NAV3: variants seen among roughly 807,000 people sequenced by gnomAD.
NAV3 encodes the protein neuron navigator 3.
NAV3 carries 87 observed loss-of-function variants against 244.7 expected under a neutral mutation model. The observed-to-expected ratio is 0.36, with a 90% CI of 0.30 to 0.42. NAV3 has a LOEUF of 0.42. Ranked by LOEUF, NAV3 falls within the 20% of genes least tolerant of loss-of-function variation. The pLI is 1.00. For synonymous variants in NAV3, 1,126 were observed against 1,042.2 expected, an observed-to-expected ratio of 1.08 and a Z score of -1.55; for missense variants, 2,663 against 2,893.3, an observed-to-expected ratio of 0.92 and a Z score of 1.83.
chr12:78,199,653 AT>A (rs145734154), intron 37 of NAV3, 122 bp downstream of exon 37: 4 of 655,820 alleles, frequency 6.1e-6, no homozygotes, highest in African/African-American at 1.9e-5. Context: ...CCAAAGATTT[AT>A]TTTTTTCCCT....
intron 2 of NAV3, among the ~76,000 whole-genome samples, chr12:77,648,649 C>G (rs1287531877): frequency 6.6e-6 from 1 of 152,070 alleles, no homozygotes; most frequent in South Asian, 2.1e-4. Flanking sequence ...CCAGTGGGTC[C>G]TCTAATATCT....
At position 78,100,669 on chromosome 12, in the gene NAV3, C is replaced by T. The variant is rs151057843; in HGVS notation, c.2637-16103C>T. 3.6e-3 allele frequency among the ~76,000 whole-genome samples: 551 copies of T among 152,098 alleles called. 19 individuals carry two copies. The highest frequency in any genetic ancestry group is 0.029 in the South Asian group (141 of 4,818). ...CTCAATACTATCTGATTTTCTATTG[C>T]ACTTCTAAGATACTCTAATTTCTTA... is the stretch of plus-strand genomic sequence containing the variant. On this transcript the variant is annotated intron_variant, in intron 12 of 39. Coordinates refer to ENST00000397909, the MANE Select transcript of NAV3 (RefSeq NM_001024383.2).
chr12:77,944,046 T>C (rs544249794), intron 3 of NAV3, among the ~76,000 whole-genome samples: 2 of 152,106 alleles, frequency 1.3e-5, no homozygotes, highest in African/African-American at 4.8e-5. Context: ...CACTTGAGAA[T>C]TGGAGGAGCA....
intron 12 of NAV3, among the ~76,000 whole-genome samples, chr12:78,089,731 T>C (rs1953823748): frequency 6.6e-6 from 1 of 152,166 alleles, no homozygotes; most frequent in Non-Finnish European, 1.5e-5. Context: ...TTGATACTTG[T>C]GATAGCCAGT....
intron 12 of NAV3, among the ~76,000 whole-genome samples, chr12:78,106,530 A>C (rs567601219): frequency 1.8e-4 from 28 of 152,346 alleles, no homozygotes; most frequent in Middle Eastern, 3.4e-3. Flanking sequence ...ACAGAACACC[A>C]GAAGATGTTC....
At chr12:77,953,965 T>C (rs1024421690) in intron 3 of NAV3, among the ~76,000 whole-genome samples, 20 of 152,266 alleles carry the variant, frequency 1.3e-4, no homozygotes, top group Non-Finnish European at 2.5e-4. Flanking sequence ...ATCTCTATCA[T>C]TGGGCTGGAA....
At chr12:77,995,092 G>A (rs1168437857) in intron 6 of NAV3, among the ~76,000 whole-genome samples, 1 of 152,010 alleles carries the variant, frequency 6.6e-6, no homozygotes, top group African/African-American at 2.4e-5. Flanking sequence ...GTGATATGTA[G>A]TGCTATAACT....
intron 2 of NAV3, among the ~76,000 whole-genome samples, chr12:77,576,703 T>G (rs1374466428): frequency 1.3e-5 from 2 of 152,006 alleles, no homozygotes; most frequent in East Asian, 3.9e-4. Context: ...ATTGTTTATG[T>G]TGGAAACTAA....
chr12:78,055,828 C>A (rs905172797), intron 11 of NAV3, among the ~76,000 whole-genome samples: 1 of 152,100 alleles, frequency 6.6e-6, no homozygotes, highest in Admixed American at 6.6e-5. Flanking sequence ...AGCTGTGTGC[C>A]CAGGAGGAGA....
rs72076222 is a variant in NAV3 at position 77,879,685 on chromosome 12, C to CAAAAAAA, written c.243+47998_243+48004dup. Among the ~76,000 whole-genome samples, 256 of 84,956 alleles carry CAAAAAAA rather than the reference C, an allele frequency of 3.0e-3. 4 individuals carry two copies. The highest frequency in any genetic ancestry group is 3.7e-3 in the African/African-American group (84 of 22,604). The allele number at this position is 84,956 out of a possible 152,430, so 55.7% of individuals were successfully genotyped here. ...GAAAGAGCGAAGTGAAACTCCATCT[C>CAAAAAAA]AAAAAAAAAAAAAAAAAAAAAAAGG... On this transcript the variant is annotated intron_variant, in intron 1 of 39. Coordinates refer to ENST00000397909, the MANE Select transcript of NAV3 (RefSeq NM_001024383.2).
intron 2 of NAV3, among the ~76,000 whole-genome samples, chr12:77,594,070 A>G (rs1295427256): frequency 6.6e-6 from 1 of 152,198 alleles, no homozygotes. Flanking sequence ...AATTTATAAA[A>G]TGAAAATCTA....
intron 2 of NAV3, among the ~76,000 whole-genome samples, chr12:77,596,093 A>G (rs887894038): frequency 4.6e-5 from 7 of 152,178 alleles, no homozygotes; most frequent in African/African-American, 1.7e-4. Context: ...TAGTAGTGAC[A>G]ATGAGGCTGG....
At chr12:77,882,810 C>G (rs1882823632) in intron 1 of NAV3, among the ~76,000 whole-genome samples, 1 of 152,126 alleles carries the variant, frequency 6.6e-6, no homozygotes, top group Non-Finnish European at 1.5e-5. Context: ...ATACACTCAA[C>G]CAATGAACAT....
chr12:77,707,429 A>G (rs1875879683), intron 2 of NAV3, among the ~76,000 whole-genome samples: 1 of 152,116 alleles, frequency 6.6e-6, no homozygotes, highest in Admixed American at 6.5e-5. Context: ...TCCATGGTGT[A>G]TATGTGCCAC....
rs188983442 is a variant in NAV3, at chr12:77,632,757, A to T, written c.72+60491A>T. On this transcript the variant is annotated intron_variant, in intron 2 of 8. Transcript: ENST00000550042. ...GTAATGAGACTTTTAAAAGTAATAC[A>T]CCAATTTTTGTCTTTTTTCTTATTC... Among the ~76,000 whole-genome samples, 418 of 152,268 alleles carry T rather than the reference A, an allele frequency of 2.7e-3. 2 individuals carry two copies. Among genetic ancestry groups the T allele is most frequent in the African/African-American group, 9.8e-3 (406 of 41,536 alleles).
intron 23 of NAV3, among the ~76,000 whole-genome samples, chr12:78,165,735 TAAAC>T (rs753307409): frequency 1.3e-5 from 2 of 151,680 alleles, no homozygotes; most frequent in Admixed American, 6.6e-5. Context: ...AAACTAGAAA[TAAAC>T]TATTGAAAAA....
intron 2 of NAV3, among the ~76,000 whole-genome samples, chr12:77,801,289 T>G (rs1435814374): frequency 6.6e-6 from 1 of 152,166 alleles, no homozygotes; most frequent in South Asian, 2.1e-4. Context: ...TTAAATATAC[T>G]GTCTTTTATA....
chr12:78,185,764 A>G, intron 31 of NAV3, 66 bp downstream of exon 31: 2 of 1,338,048 alleles, frequency 1.5e-6, no homozygotes, highest in East Asian at 2.4e-5. Context: ...AGTGTATTTT[A>G]TGTGTGAATA....
At chr12:77,918,956 A>T (rs1327882070) in intron 1 of NAV3, among the ~76,000 whole-genome samples, 10 of 152,052 alleles carry the variant, frequency 6.6e-5, no homozygotes, top group Non-Finnish European at 1.5e-4. Flanking sequence ...GGAAGAGTAG[A>T]CCTTGTGATG....
Sources: gnomAD v4.1 joint callset for allele counts (sites outside exome capture counted in the v4.1 genomes callset) on GRCh38, gnomAD v4.1.1 for gene constraint, MANE v1.5 for transcripts, NCBI Gene and HGNC (gene_info 2026-07-23, HGNC 2026-07-21) for gene names.